Variants in ITPA observed in about 807,000 individuals in gnomAD.
ITPA encodes the protein inosine triphosphate pyrophosphatase.
Under a neutral mutation model 29.6 loss-of-function variants are expected in ITPA, and 29 were observed. The observed-to-expected ratio is 0.98, with a 90% confidence interval of 0.73 to 1.34. ITPA has a LOEUF of 1.34. Among genes scored for constraint, ITPA ranks in the 40% most tolerant of loss-of-function variants. The probability of loss-of-function intolerance (pLI) is 0.00; values close to 1 mark genes in which losing one functional copy is unlikely to be tolerated. For synonymous variants in ITPA, 103 were observed against 99.3 expected, an observed-to-expected ratio of 1.04 and a Z score of -0.22; for missense variants, 241 against 251.5, an observed-to-expected ratio of 0.96 and a Z score of 0.28.
upstream of ITPA, among the ~76,000 whole-genome samples, chr20:3,204,345 G>A (rs2067055779): frequency 6.6e-6 from 1 of 152,112 alleles, no homozygotes; most frequent in Non-Finnish European, 1.5e-5. Context: ...GAGAGAAAGG[G>A]GTAGCGGCGC....
Position 3,223,566 on chromosome 20 carries a change from T to C in ITPA, c.*104T>C. 1 of 880,160 alleles carries C rather than the reference T, an allele frequency of 1.1e-6. No homozygotes were observed. Among genetic ancestry groups the C allele is most frequent in the Non-Finnish European group, 1.8e-6 (1 of 547,106 alleles). 54.5% of individuals were successfully genotyped at this position (880,160 alleles called of 1,614,324 possible). A position where few individuals can be genotyped will look rare whatever the true frequency, so the allele number is the denominator to read the frequency against. ...CCCCTGAAGTACTTCCTTCAGGGTT[T>C]CCCCTTTGTGAGGGTGTCGAGTAGC... On this transcript the variant is annotated 3_prime_UTR_variant, in exon 8 of 8. Transcript: ENST00000380113.
At chr20:3,206,880 G>A (rs1434386669), upstream of ITPA, among the ~76,000 whole-genome samples, 1 of 151,788 alleles carries the variant, frequency 6.6e-6, no homozygotes, top group East Asian at 1.9e-4. Flanking sequence ...CAGGCATGGT[G>A]GTGCATGCCT....
At chr20:3,212,581 A>G (rs1442314202) in intron 1 of ITPA, among the ~76,000 whole-genome samples, 1 of 152,192 alleles carries the variant, frequency 6.6e-6, no homozygotes, top group African/African-American at 2.4e-5. Context: ...TTGGCCTCCA[A>G]AAGTGCTAAG....
intron 3 of ITPA, 47 bp from the exon 4 acceptor site, chr20:3,213,938 G>A: frequency 6.3e-7 from 1 of 1,598,836 alleles, no homozygotes; most frequent in South Asian, 1.1e-5. Flanking sequence ...CGTTCCAGGT[G>A]GGGATGGTGA....
upstream of ITPA, chr20:3,209,323 G>A: frequency 1.6e-6 from 1 of 618,524 alleles, no homozygotes; most frequent in Admixed American, 2.4e-5. The surrounding 1 kb of genome is among the most constrained non-coding windows in gnomAD (Gnocchi z 4.6). Context: ...AGGCAGGAGG[G>A]GTGGGTCACT....
chr20:3,209,540 C>G lies in ITPA; in HGVS notation c.-12C>G, dbSNP rs374429574. 3.1e-6 allele frequency: 5 copies of G among 1,613,690 alleles called. No homozygotes were observed. The highest frequency in any genetic ancestry group is 4.2e-6 in the Non-Finnish European group (5 of 1,179,654). Reference sequence around the variant, plus strand: ...AGTTTTCGGTGGCTCAGCTGGGTAACCGGGGATCACCATGGCGGCCTCATT... The same window carrying G: ...AGTTTTCGGTGGCTCAGCTGGGTAAGCGGGGATCACCATGGCGGCCTCATT... On this transcript the variant is annotated 5_prime_UTR_variant, in exon 1 of 8. Coordinates refer to ENST00000380113, the MANE Select transcript of ITPA (RefSeq NM_033453.4). The surrounding 1 kb of genome is among the most constrained non-coding windows in gnomAD (Gnocchi z 4.6).
At position 3,209,921 on chromosome 20, in the gene ITPA, T is replaced by TTATC. The variant is rs2067134245; in HGVS notation, c.66+304_66+305insTATC. On this transcript the variant is annotated intron_variant, in intron 1 of 7. Transcript: ENST00000380113. The surrounding 1 kb of genome is among the most constrained non-coding windows in gnomAD (Gnocchi z 4.6). ...GGGCTCTTAACAACCGCCCCGAAGG[T>TTATC]CACCTATTGAAGTAGACCCCAACCC... Among the ~76,000 whole-genome samples the TTATC allele has an allele frequency of 6.6e-6, 1 of 151,836 alleles. No homozygotes were observed. Among genetic ancestry groups the TTATC allele is most frequent in the African/African-American group, 2.4e-5 (1 of 41,348 alleles).
At chr20:3,212,093 C>T (rs1568508892) in intron 1 of ITPA, among the ~76,000 whole-genome samples, 1 of 151,914 alleles carries the variant, frequency 6.6e-6, no homozygotes, top group Non-Finnish European at 1.5e-5. Flanking sequence ...ATCTCTTGGG[C>T]CCAGGAGGTT....
chr20:3,204,695 T>A, upstream of ITPA: 1 of 1,472,690 alleles, frequency 6.8e-7, no homozygotes, highest in Non-Finnish European at 9.2e-7. Context: ...CCCGCCCCTA[T>A]TTCCCAATCT....
chr20:3,215,519 G>T (rs1400035321), intron 5 of ITPA, among the ~76,000 whole-genome samples: 2 of 152,128 alleles, frequency 1.3e-5, no homozygotes, highest in East Asian at 3.9e-4. Flanking sequence ...GGAGCTGCAG[G>T]GTTGAGGAAC....
chr20:3,210,094 G>T (rs1233083160), intron 1 of ITPA, among the ~76,000 whole-genome samples: 1 of 152,220 alleles, frequency 6.6e-6, no homozygotes, highest in Non-Finnish European at 1.5e-5. Context: ...TTTCGCGTGT[G>T]TGAAATGGGG....
upstream of ITPA, chr20:3,209,466 C>G: frequency 1.6e-6 from 2 of 1,261,198 alleles, no homozygotes; most frequent in Non-Finnish European, 2.3e-6. The surrounding 1 kb of genome is among the most constrained non-coding windows in gnomAD (Gnocchi z 4.6). Context: ...GAAACTGAGC[C>G]GTTCACTTCC....
upstream of ITPA, chr20:3,204,683 G>GC: frequency 6.6e-7 from 1 of 1,505,344 alleles, no homozygotes; most frequent in Admixed American, 2.0e-5. Context: ...GATCTCATAG[G>GC]CCCCGCCCCT....
At chr20:3,204,839 C>T (rs1457601301), upstream of ITPA, among the ~76,000 whole-genome samples, 1 of 151,588 alleles carries the variant, frequency 6.6e-6, no homozygotes, top group Non-Finnish European at 1.5e-5. Flanking sequence ...ACGGTATGTC[C>T]AGTAGAAAAC....
chr20:3,214,958 C>T (rs1339921685), intron 4 of ITPA, among the ~76,000 whole-genome samples: 1 of 151,770 alleles, frequency 6.6e-6, no homozygotes, highest in Non-Finnish European at 1.5e-5. Context: ...GATCACAGCT[C>T]ACTCCCTGGG....
chr20:3,204,521 C>T (rs2067057302), upstream of ITPA: 3 of 1,550,082 alleles, frequency 1.9e-6, no homozygotes, highest in Admixed American at 1.9e-5. Context: ...AACCCTGGTG[C>T]AGCGGCATCT....
At chr20:3,225,380 C>T (rs1456210124), downstream of ITPA, among the ~76,000 whole-genome samples, 1 of 152,060 alleles carries the variant, frequency 6.6e-6, no homozygotes, top group Admixed American at 6.6e-5. Flanking sequence ...TCGGTCTCCA[C>T]CCCCCGCCAC....
upstream of ITPA, chr20:3,204,522 A>G (rs981271072): frequency 6.4e-7 from 1 of 1,551,170 alleles, no homozygotes; most frequent in African/African-American, 1.4e-5. Flanking sequence ...ACCCTGGTGC[A>G]GCGGCATCTC....
chr20:3,222,452 G>T (rs907260760), intron 7 of ITPA, among the ~76,000 whole-genome samples: 3 of 152,004 alleles, frequency 2.0e-5, no homozygotes, highest in African/African-American at 4.8e-5. Flanking sequence ...CAGGTGATCC[G>T]CCCACCTCGG....
Sources: gnomAD v4.1 joint callset for allele counts (sites outside exome capture counted in the v4.1 genomes callset) on GRCh38, gnomAD v4.1.1 for gene constraint, Gnocchi (gnomAD v3.1) non-coding constraint, MANE v1.5 for transcripts, NCBI Gene and HGNC (gene_info 2026-07-23, HGNC 2026-07-21) for gene names.